ITSN2: variants seen among roughly 807,000 people sequenced by gnomAD.
ITSN2 encodes the protein intersectin-2.
ITSN2 carries 156 observed loss-of-function variants against 243.7 expected under a neutral mutation model. That is an observed-to-expected ratio of 0.64 (90% CI 0.56 to 0.73). ITSN2 has a LOEUF of 0.73. Ranked by LOEUF, ITSN2 falls within the 30% of genes least tolerant of loss-of-function variation. ITSN2 has a pLI of 0.00. For missense variants in ITSN2, 1,801 were observed against 1,996.1 expected (o/e 0.90, Z 1.86); for synonymous variants, 703 against 699.9 (o/e 1.00, Z -0.07).
chr2:24,308,600 C>A lies in ITSN2; in HGVS notation c.793+17G>T. The A allele has an allele frequency of 1.4e-6, 2 of 1,435,718 alleles. No individual in the cohort carries two copies. The highest frequency in any genetic ancestry group is 9.2e-7 in the Non-Finnish European group (1 of 1,087,152). The allele number at this position is 1,435,718 out of a possible 1,614,324, so 88.9% of individuals were successfully genotyped here. On this transcript the variant is annotated intron_variant, in intron 8 of 39. Transcript: ENST00000355123. ...AAAGACCCTTTTTCATGCTCTTCAG[C>A]ACTGTATGCTGCTTACCTGAGAGAT...
chr2:24,313,192 T>C (rs1215657633), intron 4 of ITSN2, among the ~76,000 whole-genome samples: 1 of 150,956 alleles, frequency 6.6e-6, no homozygotes, highest in Non-Finnish European at 1.5e-5. Context: ...CAAGCAATCC[T>C]TCCATCTTGG....
At position 24,286,271 on chromosome 2, in the gene ITSN2, G is replaced by A. The variant is rs1679492343; in HGVS notation, c.1804C>T (p.Leu602Phe). 1.2e-6 allele frequency: 2 copies of A among 1,603,682 alleles called. No individual in the cohort carries two copies. Among genetic ancestry groups the A allele is most frequent in the Non-Finnish European group, 1.7e-6 (2 of 1,171,568 alleles). ...CQRLKEQLDA[L>F]EKETASKLSE... ...AGCTTAGATGCAGTTTCTTTTTCAA[G>A]AGCATCTAACTGTTCTTTAAGTCTT... Residue 602 changes from leucine to phenylalanine, a missense_variant, in exon 16 of 40, where the codon CTT (leucine) becomes TTT (phenylalanine). Around this residue, in one of 5 missense-constraint regions of ITSN2, gnomAD observed 787 missense variants for 803.9 expected, o/e 0.98. Transcript: ENST00000355123.
At chr2:24,221,092 A>T in intron 29 of ITSN2, 26 bp from the exon 30 acceptor site, 1 of 1,593,364 alleles carries the variant, frequency 6.3e-7, no homozygotes, top group African/African-American at 1.4e-5. Context: ...GGTAGTTTAA[A>T]ATATTACTTT....
At chr2:24,237,945 C>A (rs1672344520) in intron 29 of ITSN2, among the ~76,000 whole-genome samples, 1 of 152,176 alleles carries the variant, frequency 6.6e-6, no homozygotes, top group South Asian at 2.1e-4. Flanking sequence ...CAAGCCTCAA[C>A]TTTTATAGTT....
chr2:24,327,947 G>T, intron 2 of ITSN2, 105 bp downstream of exon 2: 1 of 994,314 alleles, frequency 1.0e-6, no homozygotes, highest in Non-Finnish European at 1.5e-6. Context: ...TTCAAGTTTT[G>T]TATTTATACA....
intron 29 of ITSN2, among the ~76,000 whole-genome samples, chr2:24,234,625 T>C (rs1671952846): frequency 6.6e-6 from 1 of 152,156 alleles, no homozygotes; most frequent in African/African-American, 2.4e-5. Flanking sequence ...TTTCAAAATA[T>C]GGAAAGGACT....
At chr2:24,358,337 T>G (rs1688641427) in intron 1 of ITSN2, among the ~76,000 whole-genome samples, 1 of 152,216 alleles carries the variant, frequency 6.6e-6, no homozygotes, top group Non-Finnish European at 1.5e-5. Flanking sequence ...CCTAAAGTAG[T>G]CAAACTTCAG....
intron 9 of ITSN2, 87 bp downstream of exon 9, chr2:24,303,712 C>T: frequency 2.2e-6 from 2 of 891,246 alleles, no homozygotes; most frequent in Non-Finnish European, 3.7e-6. Context: ...TTTACAGAAA[C>T]AGTATCTTTC....
At chr2:24,247,448 G>C (rs1012606158) in intron 27 of ITSN2, among the ~76,000 whole-genome samples, 1 of 152,186 alleles carries the variant, frequency 6.6e-6, no homozygotes, top group African/African-American at 2.4e-5. Flanking sequence ...CAACATGAGT[G>C]TAATAGCTGT....
chr2:24,352,326 A>C (rs889869698), intron 1 of ITSN2, among the ~76,000 whole-genome samples: 3 of 152,194 alleles, frequency 2.0e-5, no homozygotes, highest in Admixed American at 6.5e-5. Flanking sequence ...ACATTATTTT[A>C]ATTATAATCA....
intron 29 of ITSN2, among the ~76,000 whole-genome samples, chr2:24,243,630 C>T (rs1448332007): frequency 1.3e-5 from 2 of 152,128 alleles, no homozygotes; most frequent in African/African-American, 2.4e-5. Context: ...CCACACTCAG[C>T]TAATTTTAAA....
chr2:24,359,306 C>G (rs1315672432), intron 1 of ITSN2, among the ~76,000 whole-genome samples: 1 of 152,160 alleles, frequency 6.6e-6, no homozygotes, highest in Non-Finnish European at 1.5e-5. Flanking sequence ...AAACTGAGCT[C>G]ACTAACAACG....
chr2:24,358,516 A>T (rs922975396), intron 1 of ITSN2, among the ~76,000 whole-genome samples: 33 of 152,186 alleles, frequency 2.2e-4, no homozygotes, highest in African/African-American at 8.0e-4. Flanking sequence ...AGTATAGTTG[A>T]AGGAGACAGC....
intron 25 of ITSN2, 63 bp from the exon 26 acceptor site, chr2:24,248,945 G>A (rs1673761191): frequency 6.8e-7 from 1 of 1,466,290 alleles, no homozygotes; most frequent in Admixed American, 1.8e-5. Context: ...AAAGTATAAA[G>A]GTTAATGGGA....
chr2:24,216,946 G>A (rs1005866223), intron 31 of ITSN2, among the ~76,000 whole-genome samples: 4 of 151,918 alleles, frequency 2.6e-5, no homozygotes, highest in East Asian at 3.9e-4. Flanking sequence ...TTAGCCGGGC[G>A]CAGTGGTGGG....
chr2:24,311,062 TACACACACAC>T (rs71397421), intron 5 of ITSN2, among the ~76,000 whole-genome samples: 17 of 147,884 alleles, frequency 1.1e-4, no homozygotes, highest in Non-Finnish European at 1.1e-4. Flanking sequence ...ACTTGACTAA[TACACACACAC>T]ACACACACAC....
intron 20 of ITSN2, among the ~76,000 whole-genome samples, chr2:24,266,262 T>C (rs1193518077): frequency 1.3e-5 from 2 of 152,314 alleles, no homozygotes; most frequent in East Asian, 3.9e-4. Flanking sequence ...TTTTTTTTCC[T>C]AGACTGTGGT....
In ITSN2 at chr2:24,203,293, T is replaced by C. The variant is rs1026959436; in HGVS notation, c.*333A>G. ...CCAAACCACTCCACGGTGGACACAT[T>C]CAACCGAGCGGTAACATCTGGTGGT... On this transcript the variant is annotated 3_prime_UTR_variant, in exon 40 of 40. Coordinates refer to ENST00000355123, the MANE Select transcript of ITSN2 (RefSeq NM_006277.3). 3.1e-5 allele frequency: 6 copies of C among 193,440 alleles called. No individual in the cohort carries two copies. The highest frequency in any genetic ancestry group is 2.2e-4 in the Admixed American group (4 of 18,460). The allele number at this position is 193,440 out of a possible 1,614,324, so 12.0% of individuals were successfully genotyped here.
At chr2:24,300,269 C>A (rs1681554150) in intron 11 of ITSN2, 98 bp from the exon 12 acceptor site, 6 of 1,166,124 alleles carry the variant, frequency 5.1e-6, no homozygotes, top group Non-Finnish European at 7.3e-6. Context: ...CATTTGAGTG[C>A]TATCAGTATT....
Sources: allele counts gnomAD v4.1 joint callset (sites outside exome capture counted in the v4.1 genomes callset), GRCh38; gene constraint gnomAD v4.1.1; regional missense constraint gnomAD v4.1.1; transcripts MANE v1.5; gene names NCBI Gene and HGNC (gene_info 2026-07-23, HGNC 2026-07-21).